Variants in ZBTB25 observed in about 807,000 individuals in gnomAD.
ZBTB25 encodes the protein zinc finger and BTB domain-containing protein 25.
Under a neutral mutation model 34.2 loss-of-function variants are expected in ZBTB25, and 20 were observed. The observed-to-expected ratio is 0.58, with a 90% CI of 0.41 to 0.85. The LOEUF is 0.85. Ranked by LOEUF, ZBTB25 falls within the 40% of genes least tolerant of loss-of-function variation. The pLI is 0.00. For synonymous variants in ZBTB25, 175 were observed against 186.4 expected (o/e 0.94, Z 0.50); for missense variants, 437 against 521.8 (o/e 0.84, Z 1.58).
rs775521091 is a variant in ZBTB25 at position 64,487,191 on chromosome 14, C to A, written c.1040G>T (p.Arg347Ile). The change falls in exon 3 of 3, where the codon AGA becomes ATA. Residue 347 changes from arginine (R) to isoleucine (I), a missense_variant. Arg to Ile is a moderately conservative substitution (Grantham distance 97, BLOSUM62 -3). Coordinates refer to ENST00000608382, the MANE Select transcript of ZBTB25 (RefSeq NM_006977.5). The stretch of plus-strand genomic sequence containing the variant: ...ACCACAGATGGTACAGCTCATTTTT[C>A]TTTTCCTTGAAAAAGAAAAATTACA... ...LNCNFSFSRKRKMSCTICGHK... is the reference protein window; with the variant it reads ...LNCNFSFSRKIKMSCTICGHK... 1.9e-6 allele frequency: 3 copies of A among 1,613,866 alleles called. No homozygotes were observed. Among genetic ancestry groups the A allele is most frequent in the Admixed American group, 1.7e-5 (1 of 59,924 alleles).
intron 2 of ZBTB25, chr14:64,460,007 C>T: frequency 1.6e-6 from 2 of 1,273,872 alleles, no homozygotes; most frequent in Non-Finnish European, 2.2e-6. Flanking sequence ...AGTTTGCCAT[C>T]TTGGTGTTGC....
intron 1 of ZBTB25, among the ~76,000 whole-genome samples, chr14:64,493,082 C>T (rs2079143306): frequency 6.6e-6 from 1 of 151,994 alleles, no homozygotes; most frequent in South Asian, 2.1e-4. Flanking sequence ...AAGGATTCAG[C>T]TTGGCATAGA....
At chr14:64,476,414 A>AT (rs1396618467), downstream of ZBTB25, among the ~76,000 whole-genome samples, 6 of 152,178 alleles carry the variant, frequency 3.9e-5, no homozygotes, top group African/African-American at 1.4e-4. Context: ...CAACCTCCAC[A>AT]TCCCAGGTTC....
At chr14:64,496,802 G>A (rs1215587058) in intron 1 of ZBTB25, among the ~76,000 whole-genome samples, 1 of 152,090 alleles carries the variant, frequency 6.6e-6, no homozygotes, top group Non-Finnish European at 1.5e-5. Flanking sequence ...TCTTACATAA[G>A]GGAGATCCTT....
At chr14:64,501,868 A>C (rs1360814719) in intron 1 of ZBTB25, among the ~76,000 whole-genome samples, 2 of 152,238 alleles carry the variant, frequency 1.3e-5, no homozygotes, top group African/African-American at 4.8e-5. Flanking sequence ...AGGGCAGCTG[A>C]AAGTCCTGCT....
chr14:64,498,752 G>A, intron 1 of ZBTB25, among the ~76,000 whole-genome samples: 1 of 152,080 alleles, frequency 6.6e-6, no homozygotes, highest in East Asian at 1.9e-4. Context: ...TCCTGCCTCA[G>A]CCTCCCGAGT....
chr14:64,469,970 G>T, intron 2 of ZBTB25: 1 of 262,808 alleles, frequency 3.8e-6, no homozygotes, highest in Non-Finnish European at 7.6e-6. Context: ...GGGGAGGAAG[G>T]TGTATTTATT....
At chr14:64,473,457 A>G (rs1273084925), downstream of ZBTB25, 1 of 167,070 alleles carries the variant, frequency 6.0e-6, no homozygotes, top group African/African-American at 2.4e-5. Flanking sequence ...TCACCAGTAT[A>G]TGTGAACAGG....
rs1040621851 is a variant in ZBTB25, at chr14:64,482,723, T to C, written c.*4200A>G. 4 of 152,240 alleles carry C rather than the reference T, an allele frequency of 2.6e-5. No homozygotes were observed. Among genetic ancestry groups the C allele is most frequent in the South Asian group, 2.1e-4 (1 of 4,834 alleles). 9.4% of individuals were successfully genotyped at this position (152,240 alleles called of 1,614,324 possible). On this transcript the variant is annotated 3_prime_UTR_variant, in exon 3 of 3. Coordinates refer to ENST00000608382, the MANE Select transcript of ZBTB25 (RefSeq NM_006977.5). Reference sequence around the variant, plus strand: ...GTTCTGTCAATTAGTTATTGAATATTAGATAGTACATTACTGCTTTTAAGA... The same window carrying C: ...GTTCTGTCAATTAGTTATTGAATATCAGATAGTACATTACTGCTTTTAAGA...
chr14:64,498,023 T>A (rs375750124), intron 1 of ZBTB25, among the ~76,000 whole-genome samples: 9 of 152,242 alleles, frequency 5.9e-5, no homozygotes, highest in Non-Finnish European at 1.3e-4. Flanking sequence ...TACTTACTCA[T>A]GGCTATAAAT....
chr14:64,503,619 T>C (rs1220299781), intron 1 of ZBTB25, 42 bp downstream of exon 1: 2 of 985,418 alleles, frequency 2.0e-6, no homozygotes, highest in Non-Finnish European at 1.2e-6. Context: ...CAGGAGGGAC[T>C]GAGCCCGGGG....
At chr14:64,497,036 C>T (rs147227244) in intron 1 of ZBTB25, among the ~76,000 whole-genome samples, 217 of 152,260 alleles carry the variant, frequency 1.4e-3, no homozygotes, top group African/African-American at 5.0e-3. Context: ...AGTTTAAACC[C>T]AGGGCCCTTT....
chr14:64,461,693 T>G (rs1400996630), intron 2 of ZBTB25: 1 of 151,752 alleles, frequency 6.6e-6, no homozygotes, highest in Admixed American at 6.6e-5. Flanking sequence ...CCTCCCGGGT[T>G]CAAGCGATTC....
At chr14:64,468,794 A>C (rs1410301151) in intron 2 of ZBTB25, 1 of 1,614,224 alleles carries the variant, frequency 6.2e-7, no homozygotes, top group Admixed American at 1.7e-5. Flanking sequence ...AAAATTCCCA[A>C]GAGGGCCAAA....
chr14:64,455,618 A>G (rs1296693117), intron 2 of ZBTB25, among the ~76,000 whole-genome samples: 3 of 152,236 alleles, frequency 2.0e-5, no homozygotes, highest in Non-Finnish European at 2.9e-5. Context: ...CATGCAATAC[A>G]GGACTGAAAT....
At chr14:64,498,844 C>T (rs139827634) in intron 1 of ZBTB25, among the ~76,000 whole-genome samples, 3,939 of 151,554 alleles carry the variant, frequency 0.026, 163 homozygotes, top group African/African-American at 0.089. Flanking sequence ...CTGTGTTAGC[C>T]AGGATGGTCT....
chr14:64,460,266 G>T (rs1223629659), intron 2 of ZBTB25: 2 of 214,660 alleles, frequency 9.3e-6, no homozygotes, highest in Admixed American at 5.1e-5. Flanking sequence ...CTATATTGTT[G>T]AATTTTGTTT....
intron 2 of ZBTB25, among the ~76,000 whole-genome samples, chr14:64,463,988 G>A (rs2078584204): frequency 6.6e-6 from 1 of 151,962 alleles, no homozygotes; most frequent in African/African-American, 2.4e-5. Context: ...AGAGAGATAC[G>A]CAGACCATTT....
At position 64,449,193 on chromosome 14, in the gene ZBTB25, A is replaced by G. The variant is rs1401833254; in HGVS notation, c.*358T>C. The G allele has an allele frequency of 9.2e-6, 5 of 542,590 alleles. No individual in the cohort carries two copies. The Admixed American group carries it at 1.5e-4, about 16-fold the overall frequency. 33.6% of individuals were successfully genotyped at this position (542,590 alleles called of 1,614,324 possible). A position where few individuals can be genotyped will look rare whatever the true frequency, so the allele number is the denominator to read the frequency against. ...ATGGATTTACCATCTGAGTCTCATAACGTCCCAATGAAATAAGTGCTGTGA... is the reference window on the plus strand; with the variant it reads ...ATGGATTTACCATCTGAGTCTCATAGCGTCCCAATGAAATAAGTGCTGTGA... On this transcript the variant is annotated 3_prime_UTR_variant, in exon 3 of 3. Transcript: ENST00000555220.
Sources: allele counts gnomAD v4.1 joint callset (sites outside exome capture counted in the v4.1 genomes callset), GRCh38; gene constraint gnomAD v4.1.1; transcripts MANE v1.5; gene names NCBI Gene and HGNC (gene_info 2026-07-23, HGNC 2026-07-21).